The following SLC9B2 variants were observed in gnomAD, a reference collection of about 807,000 sequenced individuals.
The protein encoded by SLC9B2 is sodium/hydrogen exchanger 9B2.
SLC9B2 carries 39 observed loss-of-function variants against 52.2 expected under a neutral mutation model. The ratio of observed to expected loss-of-function variants is 0.75; its 90% CI spans 0.58 to 0.98. SLC9B2 has a LOEUF of 0.98. Among genes scored for constraint, SLC9B2 ranks in the 50% least tolerant of loss-of-function variants. SLC9B2 has a pLI of 0.00. For missense variants in SLC9B2, 626 were observed against 637.5 expected, an observed-to-expected ratio of 0.98 and a Z score of 0.19; for synonymous variants, 214 against 227.0, an observed-to-expected ratio of 0.94 and a Z score of 0.51.
chr4:103,051,726 T>C (rs1210385798), intron 4 of SLC9B2, among the ~76,000 whole-genome samples: 4 of 152,204 alleles, frequency 2.6e-5, no homozygotes, highest in African/African-American at 4.8e-5. Context: ...TCTGTGCCCT[T>C]CCAGAAAGTT....
At chr4:103,033,464 A>G (rs1047181388) in intron 9 of SLC9B2, among the ~76,000 whole-genome samples, 9 of 152,182 alleles carry the variant, frequency 5.9e-5, no homozygotes, top group Non-Finnish European at 1.3e-4. Context: ...AAGGCATCCA[A>G]TTAGGAAGAG....
chr4:103,043,557 T>C lies in SLC9B2; in HGVS notation c.997-112A>G, dbSNP rs1021607651. On this transcript the variant is annotated intron_variant, in intron 8 of 11. Coordinates refer to ENST00000394785, the MANE Select transcript of SLC9B2 (RefSeq NM_178833.7). ...GAAAATAAAAATTAAAATGTCTATA[T>C]AAATAGACAAAACAAGTGCACTACA... 12 of 1,018,782 alleles carry C rather than the reference T, an allele frequency of 1.2e-5. No individual in the cohort carries two copies. The African/African-American group carries it at 1.5e-4, about 12-fold the overall frequency. 63.1% of individuals were successfully genotyped at this position (1,018,782 alleles called of 1,614,324 possible). A position where few individuals can be genotyped will look rare whatever the true frequency, so the allele number is the denominator to read the frequency against.
chr4:103,068,680 A>G (rs1314574407), intron 1 of SLC9B2, among the ~76,000 whole-genome samples: 1 of 152,212 alleles, frequency 6.6e-6, no homozygotes, highest in Admixed American at 6.5e-5. Flanking sequence ...TTTTTTAACT[A>G]GTAAGGAAAC....
intron 10 of SLC9B2, among the ~76,000 whole-genome samples, chr4:103,029,514 G>A (rs1742513492): frequency 6.6e-6 from 1 of 152,102 alleles, no homozygotes; most frequent in Admixed American, 6.6e-5. Context: ...AATAGACACT[G>A]GCAGTCTACC....
rs1470065517 is a variant in SLC9B2 at position 103,050,301 on chromosome 4, G to A, written c.524C>T (p.Ser175Phe). ...GATAGACAGGGCTATGCTTCTCAAA[G>A]AGGAAGACCACTTGTGCTTGATCTG... ...NVQIKHKWSSSLRSIALSIIL... is the reference protein window; with the variant it reads ...NVQIKHKWSSFLRSIALSIIL... Residue 175 changes from serine to phenylalanine, a missense_variant, in exon 5 of 12, where the codon TCT becomes TTT. Ser to Phe is a radical substitution (Grantham distance 155). Transcript: ENST00000394785. 1.2e-6 allele frequency: 2 copies of A among 1,609,904 alleles called. No homozygotes were observed. Among genetic ancestry groups the A allele is most frequent in the African/African-American group, 2.7e-5 (2 of 74,714 alleles).
downstream of SLC9B2, chr4:103,020,269 C>CTTTTT (rs777449368): frequency 5.9e-6 from 2 of 338,788 alleles, no homozygotes; most frequent in Non-Finnish European, 5.6e-6. Context: ...TTTTTTTTTC[C>CTTTTT]GCATGAAATC....
chr4:103,053,462 T>G (rs962294669), intron 4 of SLC9B2, among the ~76,000 whole-genome samples: 5 of 152,250 alleles, frequency 3.3e-5, no homozygotes, highest in African/African-American at 4.8e-5. Context: ...AGATTTCATT[T>G]TATCACAAAT....
At chr4:103,045,608 C>A (rs900159215) in intron 7 of SLC9B2, among the ~76,000 whole-genome samples, 2 of 146,000 alleles carry the variant, frequency 1.4e-5, no homozygotes, top group East Asian at 2.2e-4. Flanking sequence ...AAGGACCACA[C>A]GTAGTTGGTG....
intron 1 of SLC9B2, among the ~76,000 whole-genome samples, chr4:103,073,117 G>A (rs1163375257): frequency 6.6e-6 from 1 of 152,094 alleles, no homozygotes; most frequent in East Asian, 1.9e-4. Context: ...CTTGACCTAG[G>A]ACTTCCCAGC....
chr4:103,071,451 C>T (rs1746631250), intron 1 of SLC9B2, among the ~76,000 whole-genome samples: 1 of 150,480 alleles, frequency 6.6e-6, no homozygotes, highest in Non-Finnish European at 1.5e-5. Context: ...ATGGCACGAT[C>T]TCAGCTCACT....
downstream of SLC9B2, chr4:103,019,461 G>A: frequency 1.1e-5 from 5 of 455,628 alleles, no homozygotes; most frequent in Non-Finnish European, 1.4e-5. Flanking sequence ...CAGCGTCTGG[G>A]AGAAGAGCCC....
intron 3 of SLC9B2, among the ~76,000 whole-genome samples, chr4:103,059,211 A>G (rs1245691240): frequency 6.6e-6 from 1 of 151,736 alleles, no homozygotes; most frequent in Non-Finnish European, 1.5e-5. Flanking sequence ...AACAATCCTA[A>G]TAAGAGTCTT....
chr4:103,075,844 T>G (rs1747080017), intron 1 of SLC9B2, among the ~76,000 whole-genome samples: 1 of 152,130 alleles, frequency 6.6e-6, no homozygotes, highest in Admixed American at 6.6e-5. Flanking sequence ...TGAACTATGT[T>G]TAGTTACTGA....
intron 9 of SLC9B2, among the ~76,000 whole-genome samples, chr4:103,035,488 G>T (rs1408816537): frequency 6.6e-6 from 1 of 151,820 alleles, no homozygotes; most frequent in Non-Finnish European, 1.5e-5. Context: ...TATTCCTTTG[G>T]GTATATACCC....
At chr4:103,055,954 C>G (rs1321649578) in intron 4 of SLC9B2, among the ~76,000 whole-genome samples, 1 of 151,788 alleles carries the variant, frequency 6.6e-6, no homozygotes, top group Non-Finnish European at 1.5e-5. Context: ...CAGGTGCCCG[C>G]CACCACGCCT....
intron 7 of SLC9B2, among the ~76,000 whole-genome samples, chr4:103,045,250 T>C (rs1744020046): frequency 6.6e-6 from 1 of 152,210 alleles, no homozygotes; most frequent in Non-Finnish European, 1.5e-5. Context: ...TCTCCACACA[T>C]AAAGCACTTC....
At chr4:103,020,556 TTC>T (rs368342028), downstream of SLC9B2, among the ~76,000 whole-genome samples, 808 of 152,340 alleles carry the variant, frequency 5.3e-3, 5 homozygotes, top group African/African-American at 0.018. Flanking sequence ...TACCGGAGTG[TTC>T]TTTTTCTTAG....
At position 103,024,158 on chromosome 4, in the gene SLC9B2, T is replaced by G. The variant is rs764213209; in HGVS notation, c.*2212A>C. On this transcript the variant is annotated 3_prime_UTR_variant, in exon 12 of 12. Coordinates refer to ENST00000394785, the MANE Select transcript of SLC9B2 (RefSeq NM_178833.7). ...TGCAATGTCTTGTTTAACTGTCTGT[T>G]TTCTCTATTGGACTGTTAAATCCTT... Among the ~76,000 whole-genome samples the G allele has an allele frequency of 6.6e-6, 1 of 152,196 alleles. No homozygotes were observed. The highest frequency in any genetic ancestry group is 1.5e-5 in the Non-Finnish European group (1 of 68,030).
chr4:103,067,734 TG>T, intron 1 of SLC9B2, 142 bp from the exon 2 acceptor site: 2 of 572,986 alleles, frequency 3.5e-6, no homozygotes, highest in Non-Finnish European at 6.2e-6. Context: ...TTTCAATGGC[TG>T]GTTATTGTTT....
Sources: allele counts gnomAD v4.1 joint callset (sites outside exome capture counted in the v4.1 genomes callset), GRCh38; gene constraint gnomAD v4.1.1; transcripts MANE v1.5; gene names NCBI Gene and HGNC (gene_info 2026-07-23, HGNC 2026-07-21).